KIF13A: variants seen among roughly 807,000 people sequenced by gnomAD.
KIF13A encodes kinesin-like protein KIF13A.
In KIF13A, 79 loss-of-function variants were observed where a neutral mutation model predicts 212.2. That is an observed-to-expected ratio of 0.37 (90% CI 0.31 to 0.45). The LOEUF is 0.45. Among genes scored for constraint, KIF13A ranks in the 20% least tolerant of loss-of-function variants. KIF13A has a pLI of 1.00. For synonymous variants in KIF13A, 789 were observed against 808.6 expected (o/e 0.98, Z 0.41); for missense variants, 1,901 against 2,209.0 (o/e 0.86, Z 2.79).
chr6:17,942,455 T>G (rs1777036052), intron 2 of KIF13A, among the ~76,000 whole-genome samples: 1 of 152,016 alleles, frequency 6.6e-6, no homozygotes, highest in African/African-American at 2.4e-5. Context: ...GCTGTATAAT[T>G]TCCAAATTTC....
intron 4 of KIF13A, among the ~76,000 whole-genome samples, chr6:17,869,020 A>AAAAAAAAAAC (rs1769736972): frequency 3.2e-5 from 4 of 124,040 alleles, no homozygotes; most frequent in African/African-American, 1.2e-4. Context: ...AAAAAAAAAA[A>AAAAAAAAAAC]CACAAATAAA....
chr6:17,923,683 A>G (rs1016153517), intron 2 of KIF13A, among the ~76,000 whole-genome samples: 3 of 152,210 alleles, frequency 2.0e-5, no homozygotes, highest in African/African-American at 7.2e-5. Context: ...AGGGCCAGTA[A>G]AAAGGGAGCA....
At position 17,794,164 on chromosome 6, in the gene KIF13A, G is replaced by C; in HGVS notation, c.3222+85C>G. 9.5e-7 allele frequency: 1 copy of C among 1,057,944 alleles called. No individual in the cohort carries two copies. The highest frequency in any genetic ancestry group is 2.4e-5 in the East Asian group (1 of 41,590). The allele number at this position is 1,057,944 out of a possible 1,614,324, so 65.5% of individuals were successfully genotyped here. On this transcript the variant is annotated intron_variant, in intron 25 of 38. Transcript: ENST00000259711. This position sits in a 1 kb window ranked among gnomAD's most constrained non-coding sequence, Gnocchi z 4.1. ...GGAAGATCTACGGTTAAGGCAAAGA[G>C]TTCTGTTATATTGGCAAAGAGGTCC...
intron 2 of KIF13A, among the ~76,000 whole-genome samples, chr6:17,904,048 A>T (rs1440535892): frequency 1.3e-5 from 2 of 150,866 alleles, no homozygotes; most frequent in Non-Finnish European, 3.0e-5. Context: ...TCCCAGCTAC[A>T]TTGGAGCCTG....
In KIF13A at chr6:17,871,537, G is replaced by A. The variant is rs55896015; in HGVS notation, c.220+1840C>T. ...GGCTGCACACACACAGTGGGTTGGG[G>A]GGGGAGTCATGAATACTTAAAAAAT... On this transcript the variant is annotated intron_variant, in intron 4 of 38. Coordinates refer to ENST00000259711, the MANE Select transcript of KIF13A (RefSeq NM_022113.6). This position sits in a 1 kb window ranked among gnomAD's most constrained non-coding sequence, Gnocchi z 4.4. Among the ~76,000 whole-genome samples the A allele has an allele frequency of 0.19, 28,331 of 152,062 alleles. 2,832 individuals are homozygous for A. Among genetic ancestry groups the A allele is most frequent in the South Asian group, 0.32 (1,538 of 4,818 alleles).
In KIF13A at chr6:17,799,996, T is replaced by G; in HGVS notation, c.2572A>C (p.Ser858Arg). Residue 858 changes from serine (S) to arginine (R), a missense_variant, in exon 21 of 39, where the codon AGC becomes CGC. Physicochemically the swap from Ser to Arg is moderately radical, Grantham distance 110. This residue lies in a region of KIF13A where 534 missense variants were observed against 536.9 expected (regional missense o/e 0.99). Transcript: ENST00000259711. This position sits in a 1 kb window ranked among gnomAD's most constrained non-coding sequence, Gnocchi z 4.4. ...ACTCGGTGAATGATTTCCCCGCTGC[T>G]GTCTACGACTTCAAGGCTCCCACTT... is the stretch of plus-strand genomic sequence containing the variant. ...SESGSLEVVD[S>R]SGEIIHRVKK... 1 of 1,614,038 alleles carries G rather than the reference T, an allele frequency of 6.2e-7. No individual in the cohort carries two copies. Among genetic ancestry groups the G allele is most frequent in the Non-Finnish European group, 8.5e-7 (1 of 1,179,892 alleles).
At chr6:17,821,773 A>G in intron 16 of KIF13A, 2 of 1,535,238 alleles carry the variant, frequency 1.3e-6, no homozygotes, top group Non-Finnish European at 1.7e-6. Flanking sequence ...GCCAATGCCA[A>G]TCAGTTAAAA....
chr6:17,873,887 T>G (rs1770249859), intron 3 of KIF13A, among the ~76,000 whole-genome samples: 1 of 152,192 alleles, frequency 6.6e-6, no homozygotes, highest in African/African-American at 2.4e-5. Flanking sequence ...CCATCGCGCC[T>G]GGCCCTATGA....
At position 17,874,999 on chromosome 6, in the gene KIF13A, G is replaced by GCA. The variant is rs1554188630; in HGVS notation, c.160-1564_160-1563dup. Among the ~76,000 whole-genome samples, 1,202 of 120,308 alleles carry GCA rather than the reference G, an allele frequency of 1.0e-2. 20 individuals are homozygous for GCA. Among genetic ancestry groups the GCA allele is most frequent in the African/African-American group, 0.027 (875 of 32,746 alleles). 78.9% of individuals were successfully genotyped at this position (120,308 alleles called of 152,430 possible). A position where few individuals can be genotyped will look rare whatever the true frequency, so the allele number is the denominator to read the frequency against. The stretch of plus-strand genomic sequence containing the variant: ...CCACCACACACACACACACGCACAC[G>GCA]CACGCACACACACACACACACACAC... On this transcript the variant is annotated intron_variant, in intron 3 of 38. Coordinates refer to ENST00000259711, the MANE Select transcript of KIF13A (RefSeq NM_022113.6).
At position 17,781,319 on chromosome 6, in the gene KIF13A, A is replaced by G; in HGVS notation, c.3545-18T>C. On this transcript the variant is annotated intron_variant, in intron 29 of 38. Transcript: ENST00000259711. Reference sequence around the variant, plus strand: ...GTCATCCGCTAACCACATCAGGAGCACAGAAAAAACAGTAGGGGAAAGTCA... The same window carrying G: ...GTCATCCGCTAACCACATCAGGAGCGCAGAAAAAACAGTAGGGGAAAGTCA... 1 of 1,545,944 alleles carries G rather than the reference A, an allele frequency of 6.5e-7. No individual in the cohort carries two copies. Among genetic ancestry groups the G allele is most frequent in the Non-Finnish European group, 8.7e-7 (1 of 1,151,276 alleles).
rs561220610 is a variant in KIF13A at position 17,900,305 on chromosome 6, C to T, written c.147-2125G>A. Among the ~76,000 whole-genome samples the T allele has an allele frequency of 2.3e-3, 345 of 152,264 alleles. 1 individual carries two copies. The highest frequency in any genetic ancestry group is 7.8e-3 in the African/African-American group (326 of 41,554). ...CAGTGCTGGTTTGTAGTCAGTAGTA[C>T]GTTCACCTTCTTAGCTGTCAATAAC... On this transcript the variant is annotated intron_variant, in intron 2 of 38. Transcript: ENST00000259711. The surrounding 1 kb of genome is among the most constrained non-coding windows in gnomAD (Gnocchi z 4.6).
chr6:17,836,763 A>G (rs12525646), intron 11 of KIF13A, 115 bp downstream of exon 11: 450,011 of 879,478 alleles, frequency 0.51, 117,595 homozygotes, highest in South Asian at 0.56. Flanking sequence ...ATTTGGGTAG[A>G]GACATAAATC....
At position 17,825,602 on chromosome 6, in the gene KIF13A, C is replaced by A. The variant is rs115512051; in HGVS notation, c.1786+166G>T. Among the ~76,000 whole-genome samples the A allele has an allele frequency of 6.6e-6, 1 of 152,148 alleles. No individual in the cohort carries two copies. The highest frequency in any genetic ancestry group is 2.4e-5 in the African/African-American group (1 of 41,436). On this transcript the variant is annotated intron_variant, in intron 16 of 38. Transcript: ENST00000259711. The surrounding 1 kb of genome is among the most constrained non-coding windows in gnomAD (Gnocchi z 4.5). ...AACTGAGGGAGAAGACCATCTCCCCCACATCTTGTCATTAGTTATTCACTG... is the reference window on the plus strand; with the variant it reads ...AACTGAGGGAGAAGACCATCTCCCCAACATCTTGTCATTAGTTATTCACTG...
At chr6:17,857,444 C>T (rs983089340) in intron 4 of KIF13A, among the ~76,000 whole-genome samples, 2 of 152,130 alleles carry the variant, frequency 1.3e-5, no homozygotes, top group Admixed American at 6.5e-5. Context: ...CTCTCTCTCT[C>T]GCTGCCATGT....
rs1243228229 is a variant in KIF13A, at chr6:17,800,038, AAG to A, written c.2528_2529del (p.Ser843PhefsTer6). 6.2e-7 allele frequency: 1 copy of A among 1,613,992 alleles called. No homozygotes were observed. Reference protein sequence around the residue: ...AVPERVVEDDSSENSSESGSL... With the variant: ...AVPERVVEDDXSENSSESGSL... Reference sequence around the variant, plus strand: ...CTCCCACTTTCACTGGAATTCTCCGAAGAGTCATCCTCCACCACACGCTCTGG... The same window carrying A: ...CTCCCACTTTCACTGGAATTCTCCGAAGTCATCCTCCACCACACGCTCTGG... On this transcript the variant is annotated frameshift_variant, in exon 21 of 39. Transcript: ENST00000259711. LOFTEE classifies it high-confidence loss of function.
Position 17,763,921 on chromosome 6 carries a change from C to T in KIF13A, c.*189G>A. On this transcript the variant is annotated 3_prime_UTR_variant, in exon 39 of 39. Coordinates refer to ENST00000259711, the MANE Select transcript of KIF13A (RefSeq NM_022113.6). ...CCCATGTGCCAGGTAAAAAAATCCA[C>T]TGGTCTTATAATTTCACAATTGCGT... 1 of 1,426,892 alleles carries T rather than the reference C, an allele frequency of 7.0e-7. No individual in the cohort carries two copies. 88.4% of individuals were successfully genotyped at this position (1,426,892 alleles called of 1,614,324 possible).
At chr6:17,881,493 G>A (rs1581623289) in intron 3 of KIF13A, 3 of 426,260 alleles carry the variant, frequency 7.0e-6, no homozygotes, top group East Asian at 7.2e-5. Context: ...TCAGGAGATC[G>A]AGACCATCCT....
chr6:17,945,896 G>A (rs910116133), intron 2 of KIF13A, among the ~76,000 whole-genome samples: 52 of 152,206 alleles, frequency 3.4e-4, no homozygotes, highest in African/African-American at 1.1e-3. Flanking sequence ...TGGAAACCTA[G>A]TCTGATAGAA....
At chr6:17,893,768 G>C (rs1415637156) in intron 3 of KIF13A, among the ~76,000 whole-genome samples, 1 of 150,770 alleles carries the variant, frequency 6.6e-6, no homozygotes, top group African/African-American at 2.4e-5. Flanking sequence ...TTAGGCTGCT[G>C]CAAGTTTGTA....
Sources: allele counts gnomAD v4.1 joint callset (sites outside exome capture counted in the v4.1 genomes callset), GRCh38; gene constraint gnomAD v4.1.1; regional missense constraint gnomAD v4.1.1; non-coding constraint Gnocchi (gnomAD v3.1); transcripts MANE v1.5; gene names NCBI Gene and HGNC (gene_info 2026-07-23, HGNC 2026-07-21).